RABEP1: variants seen among roughly 807,000 people sequenced by gnomAD.
RABEP1 encodes rabaptin, RAB GTPase binding effector protein 1.
In RABEP1, 51 loss-of-function variants were observed where a neutral mutation model predicts 123.4. The ratio of observed to expected loss-of-function variants is 0.41; its 90% confidence interval spans 0.33 to 0.52. The LOEUF (loss-of-function observed/expected upper bound fraction) is 0.52. Ranked by LOEUF, RABEP1 falls within the 20% of genes least tolerant of loss-of-function variation. The pLI, the probability that RABEP1 is intolerant of heterozygous loss-of-function variation, is 0.16. For missense variants in RABEP1, 888 were observed against 996.3 expected (o/e 0.89, Z 1.46); for synonymous variants, 347 against 355.2 (o/e 0.98, Z 0.26).
intron 2 of RABEP1, among the ~76,000 whole-genome samples, chr17:5,323,084 A>AAAC (rs1054806229): frequency 7.2e-5 from 11 of 152,072 alleles, no homozygotes; most frequent in Admixed American, 2.6e-4. Flanking sequence ...CAAAAAAAAC[A>AAAC]AACAACAACA....
chr17:5,318,568 C>G (rs185818068), intron 2 of RABEP1, among the ~76,000 whole-genome samples: 2 of 152,254 alleles, frequency 1.3e-5, no homozygotes, highest in Admixed American at 1.3e-4. Flanking sequence ...AAAGAAAGCA[C>G]TATGCCCAGT....
At chr17:5,299,817 C>T (rs2144493593) in intron 1 of RABEP1, among the ~76,000 whole-genome samples, 1 of 146,948 alleles carries the variant, frequency 6.8e-6, no homozygotes, top group East Asian at 2.1e-4. Context: ...GCAACCTCTG[C>T]CTCCTGGGTT....
intron 5 of RABEP1, among the ~76,000 whole-genome samples, chr17:5,344,700 A>T (rs768805532): frequency 9.2e-4 from 118 of 128,750 alleles, no homozygotes; most frequent in Middle Eastern, 4.6e-3. Flanking sequence ...TGAACCCGGG[A>T]GGCGGAGCTT....
rs1266517306 is a variant in RABEP1, at chr17:5,289,187, T to C, written c.34+6667T>C. 3.3e-5 allele frequency among the ~76,000 whole-genome samples: 5 copies of C among 152,100 alleles called. No homozygotes were observed. In the East Asian group the frequency reaches 5.8e-4, roughly 18 times the overall value. On this transcript the variant is annotated intron_variant, in intron 1 of 17. Transcript: ENST00000537505. ...TTCTTCTTCTTCTTCCTCTTCCTTT[T>C]CTCTTCTACTATGAGTTGCTGTTTC...
chr17:5,311,221 G>T (rs925549041), intron 2 of RABEP1, among the ~76,000 whole-genome samples: 6 of 152,138 alleles, frequency 3.9e-5, no homozygotes, highest in African/African-American at 1.4e-4. Context: ...TGTGTTTTTA[G>T]CAAGTTACCA....
intron 5 of RABEP1, 64 bp downstream of exon 5, chr17:5,338,202 A>C (rs750292024): frequency 3.3e-6 from 5 of 1,503,208 alleles, no homozygotes; most frequent in Non-Finnish European, 3.6e-6. Context: ...CATGAACAAA[A>C]TTAGAATCAG....
intron 2 of RABEP1, among the ~76,000 whole-genome samples, chr17:5,318,666 A>G (rs1164550364): frequency 6.6e-6 from 1 of 152,196 alleles, no homozygotes. Context: ...ATTCTCTATA[A>G]TCTTTCAGAA....
intron 8 of RABEP1, among the ~76,000 whole-genome samples, chr17:5,358,271 G>GTTT (rs1555524239): frequency 1.3e-5 from 2 of 151,668 alleles, no homozygotes; most frequent in African/African-American, 4.8e-5. Flanking sequence ...ACAATTTTTC[G>GTTT]TTATAAGTAA....
intron 1 of RABEP1, among the ~76,000 whole-genome samples, chr17:5,283,271 A>C (rs532134699): frequency 7.9e-5 from 12 of 152,226 alleles, no homozygotes; most frequent in African/African-American, 2.9e-4. Context: ...GCTGAGGCCT[A>C]CTTGCACTAC....
At chr17:5,314,756 G>C (rs1481975214) in intron 2 of RABEP1, among the ~76,000 whole-genome samples, 1 of 152,182 alleles carries the variant, frequency 6.6e-6, no homozygotes, top group East Asian at 1.9e-4. Flanking sequence ...CTGACCTTGT[G>C]ATCCGCCCAC....
intron 13 of RABEP1, among the ~76,000 whole-genome samples, chr17:5,374,878 G>A (rs1009978377): frequency 2.0e-5 from 3 of 152,070 alleles, no homozygotes; most frequent in Non-Finnish European, 4.4e-5. Context: ...TCCTGACCTC[G>A]TGATCCGCCC....
At chr17:5,339,136 C>T (rs1226245467) in intron 5 of RABEP1, among the ~76,000 whole-genome samples, 1 of 151,166 alleles carries the variant, frequency 6.6e-6, no homozygotes, top group African/African-American at 2.4e-5. Context: ...AGAGTGAGAC[C>T]CTGTCCCCCA....
chr17:5,354,498 G>GC lies in RABEP1; in HGVS notation c.1095+8_1095+9insC. 1 of 1,597,346 alleles carries GC rather than the reference G, an allele frequency of 6.3e-7. No individual in the cohort carries two copies. The highest frequency in any genetic ancestry group is 8.5e-7 in the Non-Finnish European group (1 of 1,175,134). ...CAGTTATCAAATGAAGAGGTATAGT[G>GC]AGTCTATAATTAAAGTCATTAAATA... On this transcript the variant is annotated intron_variant, in intron 8 of 17. Transcript: ENST00000537505.
At position 5,368,356 on chromosome 17, in the gene RABEP1, G is replaced by T. The variant is rs748395561; in HGVS notation, c.1786-14G>T. 2 of 1,556,582 alleles carry T rather than the reference G, an allele frequency of 1.3e-6. No individual in the cohort carries two copies. Among genetic ancestry groups the T allele is most frequent in the Non-Finnish European group, 1.8e-6 (2 of 1,133,068 alleles). On this transcript the variant is annotated splice_polypyrimidine_tract_variant and intron_variant, in intron 11 of 17. Coordinates refer to ENST00000537505, the MANE Select transcript of RABEP1 (RefSeq NM_004703.6). ...ATTTCCTAACTATGTTTCTATACAT[G>T]TGTTTTTTTAAAGATCTCTGCACTC...
chr17:5,365,310 T>C (rs960671551), intron 11 of RABEP1, 72 bp downstream of exon 11: 3 of 1,073,518 alleles, frequency 2.8e-6, no homozygotes, highest in Admixed American at 5.7e-5. Flanking sequence ...TCAAAAAATA[T>C]AGTCATGTTT....
At chr17:5,342,631 A>T (rs1907714386) in intron 5 of RABEP1, among the ~76,000 whole-genome samples, 1 of 152,194 alleles carries the variant, frequency 6.6e-6, no homozygotes. Context: ...TATAAAGTAG[A>T]CATTGTATCC....
chr17:5,317,302 A>G (rs924235238), intron 2 of RABEP1, among the ~76,000 whole-genome samples: 2 of 152,226 alleles, frequency 1.3e-5, no homozygotes, highest in Non-Finnish European at 2.9e-5. Flanking sequence ...CCTGAAAATC[A>G]GTAGGATAAA....
intron 12 of RABEP1, among the ~76,000 whole-genome samples, chr17:5,373,024 T>TTGG (rs1296786230): frequency 6.6e-6 from 1 of 152,156 alleles, no homozygotes; most frequent in Non-Finnish European, 1.5e-5. Flanking sequence ...TCCCAAAGTG[T>TTGG]TGGGATTACA....
At position 5,366,042 on chromosome 17, in the gene RABEP1, G is replaced by GT. The variant is rs147543129; in HGVS notation, c.1785+805dup. Among the ~76,000 whole-genome samples the GT allele has an allele frequency of 3.6e-4, 55 of 152,294 alleles. No homozygotes were observed. In the East Asian group the frequency reaches 0.011, roughly 29 times the overall value. ...ATGTAACTAGGGGTGGAATGCTTGG[G>GT]TACAAATGTTCAAAATGCCAAATAA... On this transcript the variant is annotated intron_variant, in intron 11 of 17. Transcript: ENST00000537505.
Sources: gnomAD v4.1 joint callset for allele counts (sites outside exome capture counted in the v4.1 genomes callset) on GRCh38, gnomAD v4.1.1 for gene constraint, MANE v1.5 for transcripts, NCBI Gene and HGNC (gene_info 2026-07-23, HGNC 2026-07-21) for gene names.